ZCCHC24: variants seen among roughly 807,000 people sequenced by gnomAD.
The protein encoded by ZCCHC24 is zinc finger CCHC-type containing 24.
Under a neutral mutation model 26.2 loss-of-function variants are expected in ZCCHC24, and 10 were observed. The observed-to-expected ratio is 0.38, with a 90% confidence interval of 0.24 to 0.65. The LOEUF is 0.65. Among genes scored for constraint, ZCCHC24 ranks in the 30% least tolerant of loss-of-function variants. The pLI, the probability that ZCCHC24 is intolerant of heterozygous loss-of-function variation, is 0.54. For synonymous variants in ZCCHC24, 144 were observed against 147.1 expected (o/e 0.98, Z 0.15); for missense variants, 243 against 329.1 (o/e 0.74, Z 2.03).
chr10:79,425,116 G>A (rs896636759), intron 2 of ZCCHC24, among the ~76,000 whole-genome samples: 6 of 152,316 alleles, frequency 3.9e-5, no homozygotes, highest in Admixed American at 2.0e-4. Context: ...GTGGCACTGC[G>A]CCAGGCCCCC....
chr10:79,407,324 G>A (rs11002962), intron 2 of ZCCHC24, among the ~76,000 whole-genome samples: 73,193 of 152,156 alleles, frequency 0.48, 20,325 homozygotes, highest in East Asian at 0.85. Context: ...GGCTGGGAGC[G>A]CCAGTCCACA....
chr10:79,437,982 G>A (rs997614910), intron 1 of ZCCHC24, among the ~76,000 whole-genome samples: 4 of 152,204 alleles, frequency 2.6e-5, no homozygotes, highest in Non-Finnish European at 5.9e-5. Flanking sequence ...GGCAGTGACA[G>A]CAGGCAGGAT....
Position 79,445,466 on chromosome 10 carries a change from C to A in ZCCHC24, c.-26G>T. 2.2e-6 allele frequency: 3 copies of A among 1,359,220 alleles called. No homozygotes were observed. Among genetic ancestry groups the A allele is most frequent in the Non-Finnish European group, 2.9e-6 (3 of 1,047,700 alleles). The allele number at this position is 1,359,220 out of a possible 1,614,324, so 84.2% of individuals were successfully genotyped here. A position where few individuals can be genotyped will look rare whatever the true frequency, so the allele number is the denominator to read the frequency against. ...TTTGTGGCGGCGGTGCCGGCCCCTC[C>A]CCGGCCGCCCGCTCGCGGCCCCCCT... On this transcript the variant is annotated 5_prime_UTR_variant, in exon 1 of 4. Coordinates refer to ENST00000372336, the MANE Select transcript of ZCCHC24 (RefSeq NM_153367.4).
intron 1 of ZCCHC24, chr10:79,444,053 A>T: frequency 6.6e-7 from 1 of 1,519,222 alleles, no homozygotes. Flanking sequence ...TTGCGTACAT[A>T]GGCTTTCCTC....
chr10:79,389,201 A>G (rs1209274968), intron 3 of ZCCHC24, among the ~76,000 whole-genome samples: 1 of 152,088 alleles, frequency 6.6e-6, no homozygotes, highest in Non-Finnish European at 1.5e-5. Flanking sequence ...AGCTGCACCC[A>G]CCCTGACTGG....
chr10:79,385,235 C>A lies in ZCCHC24; in HGVS notation c.*1110G>T, dbSNP rs76964679. 1 of 152,330 alleles carries A rather than the reference C, an allele frequency of 6.6e-6. No individual in the cohort carries two copies. The highest frequency in any genetic ancestry group is 1.9e-4 in the East Asian group (1 of 5,240). The allele number at this position is 152,330 out of a possible 1,614,324, so 9.4% of individuals were successfully genotyped here. A position where few individuals can be genotyped will look rare whatever the true frequency, so the allele number is the denominator to read the frequency against. On this transcript the variant is annotated 3_prime_UTR_variant, in exon 4 of 4. Transcript: ENST00000372336. This position sits in a 1 kb window ranked among gnomAD's most constrained non-coding sequence, Gnocchi z 4.3. ...TCCTAAGACACCAAGTGAAGGGTCA[C>A]GATGCGGGGTACCTGGCACCTGGGA...
At chr10:79,429,320 T>A (rs527533847) in intron 2 of ZCCHC24, among the ~76,000 whole-genome samples, 1 of 152,202 alleles carries the variant, frequency 6.6e-6, no homozygotes, top group African/African-American at 2.4e-5. Context: ...AGGTGGCTCA[T>A]GCCTGTAATC....
intron 1 of ZCCHC24, among the ~76,000 whole-genome samples, chr10:79,444,676 A>G (rs1857338282): frequency 6.6e-6 from 1 of 152,166 alleles, no homozygotes; most frequent in Non-Finnish European, 1.5e-5. Flanking sequence ...CTGGGCAGTC[A>G]CTGCTCTCCA....
chr10:79,431,362 G>C (rs1028963143), intron 2 of ZCCHC24, among the ~76,000 whole-genome samples: 5 of 152,196 alleles, frequency 3.3e-5, no homozygotes, highest in African/African-American at 9.7e-5. Flanking sequence ...TGTATATTGA[G>C]GGGGAGGACA....
At chr10:79,433,707 A>C (rs955334701) in intron 1 of ZCCHC24, among the ~76,000 whole-genome samples, 1 of 152,118 alleles carries the variant, frequency 6.6e-6, no homozygotes, top group Non-Finnish European at 1.5e-5. Context: ...CTGCAGGAAT[A>C]AGCTGCGGAC....
chr10:79,435,021 C>G (rs975292127), intron 1 of ZCCHC24, among the ~76,000 whole-genome samples: 1 of 152,046 alleles, frequency 6.6e-6, no homozygotes, highest in Non-Finnish European at 1.5e-5. Flanking sequence ...TATCTTGACT[C>G]GAAGACTTTC....
At chr10:79,441,455 A>C (rs1857290550) in intron 1 of ZCCHC24, among the ~76,000 whole-genome samples, 1 of 152,122 alleles carries the variant, frequency 6.6e-6, no homozygotes, top group Non-Finnish European at 1.5e-5. Flanking sequence ...AGCAAAGAGG[A>C]GGTTCATTGC....
chr10:79,444,545 C>T (rs968846171), intron 1 of ZCCHC24, among the ~76,000 whole-genome samples: 2 of 151,622 alleles, frequency 1.3e-5, no homozygotes, highest in African/African-American at 4.8e-5. Context: ...GCTGGGAGGG[C>T]TGGGGACAGC....
chr10:79,402,564 T>C lies in ZCCHC24; in HGVS notation c.448-8124A>G, dbSNP rs531953195. Among the ~76,000 whole-genome samples the C allele has an allele frequency of 9.8e-3, 1,492 of 152,380 alleles. 13 individuals are homozygous for C. Among genetic ancestry groups the C allele is most frequent in the Non-Finnish European group, 0.015 (1,000 of 68,040 alleles). On this transcript the variant is annotated intron_variant, in intron 2 of 3. Transcript: ENST00000372336. ...TGTGGGGATTATAGGCGTGAGCCAC[T>C]GTGCCCGGCCAGAGCCTTGGTTTTT... is the stretch of plus-strand genomic sequence containing the variant.
intron 2 of ZCCHC24, among the ~76,000 whole-genome samples, chr10:79,409,699 G>C (rs1392090929): frequency 6.6e-6 from 1 of 152,250 alleles, no homozygotes; most frequent in Admixed American, 6.5e-5. Context: ...CGCTGTTCCT[G>C]GTCCTCAGTG....
intron 1 of ZCCHC24, among the ~76,000 whole-genome samples, chr10:79,438,900 T>TA: frequency 6.6e-6 from 1 of 152,374 alleles, no homozygotes; most frequent in East Asian, 1.9e-4. Context: ...TCTGCCCAGC[T>TA]AGTGTGTAAG....
chr10:79,412,072 C>A (rs553082230), intron 2 of ZCCHC24, among the ~76,000 whole-genome samples: 4 of 152,366 alleles, frequency 2.6e-5, no homozygotes, highest in African/African-American at 7.2e-5. Flanking sequence ...GCAAGGACTT[C>A]CTGCTACGCC....
chr10:79,434,890 G>GC (rs137865974), intron 1 of ZCCHC24, among the ~76,000 whole-genome samples: 7,011 of 151,834 alleles, frequency 0.046, 523 homozygotes, highest in African/African-American at 0.16. Context: ...AAACAACAAC[G>GC]CCCCCGCCTA....
At chr10:79,424,110 T>C (rs1856994998) in intron 2 of ZCCHC24, among the ~76,000 whole-genome samples, 2 of 152,028 alleles carry the variant, frequency 1.3e-5, no homozygotes, top group Admixed American at 6.6e-5. Context: ...TAACTCCTGC[T>C]ACTCCAGGAG....
Sources: allele counts gnomAD v4.1 joint callset (sites outside exome capture counted in the v4.1 genomes callset), GRCh38; gene constraint gnomAD v4.1.1; non-coding constraint Gnocchi (gnomAD v3.1); transcripts MANE v1.5; gene names NCBI Gene and HGNC (gene_info 2026-07-23, HGNC 2026-07-21).